The following VWDE variants were observed in gnomAD, a reference collection of about 807,000 sequenced individuals.
The protein encoded by VWDE is von Willebrand factor D and EGF domains, also known as von Willebrand factor D and EGF domain-containing protein.
A neutral mutation model predicts 178.4 loss-of-function variants in VWDE; 207 were observed. That is an observed-to-expected ratio of 1.16 (90% confidence interval 1.04 to 1.30). The LOEUF (loss-of-function observed/expected upper bound fraction) is 1.30. Ranked by LOEUF, VWDE falls within the 50% of genes most tolerant of loss-of-function variation. The pLI, the probability that VWDE is intolerant of heterozygous loss-of-function variation, is 0.00. For missense variants in VWDE, 2,287 were observed against 1,901.3 expected (o/e 1.20, Z -3.77); for synonymous variants, 738 against 651.4 (o/e 1.13, Z -2.02).
intron 1 of VWDE, among the ~76,000 whole-genome samples, chr7:12,395,895 C>T (rs1411774381): frequency 6.6e-6 from 1 of 152,090 alleles, no homozygotes; most frequent in Non-Finnish European, 1.5e-5. Flanking sequence ...AAAAGAATAG[C>T]TCTACAAGCC....
intron 28 of VWDE, among the ~76,000 whole-genome samples, chr7:12,332,540 C>A (rs899923399): frequency 6.6e-6 from 1 of 152,150 alleles, no homozygotes. Flanking sequence ...CCATAAAAAT[C>A]TCACATCAAA....
At position 12,380,657 on chromosome 7, in the gene VWDE, A is replaced by T; in HGVS notation, c.618T>A (p.Leu206=). 1 of 1,552,148 alleles carries T rather than the reference A, an allele frequency of 6.4e-7. No individual in the cohort carries two copies. Among genetic ancestry groups the T allele is most frequent in the Non-Finnish European group, 8.7e-7 (1 of 1,147,106 alleles). The change falls in exon 5 of 29, where the codon CTT becomes CTA. Residue 206 remains leucine (L), a synonymous_variant. Transcript: ENST00000275358. ...EVLVELIESR[L]FCRCSFDVPA... is the part of the protein sequence containing the mutation. Reference sequence around the variant, plus strand: ...GAACATCAAAAGAACACCTACAGAAAAGCCTGGACTCAATCAACTCCACCA... The same window carrying T: ...GAACATCAAAAGAACACCTACAGAATAGCCTGGACTCAATCAACTCCACCA...
chr7:12,353,382 T>C (rs1202158788), intron 18 of VWDE, among the ~76,000 whole-genome samples: 2 of 150,122 alleles, frequency 1.3e-5, no homozygotes, highest in Non-Finnish European at 3.0e-5. Context: ...TCTCCAAATA[T>C]AGCCACACTG....
Position 12,359,986 on chromosome 7 carries a change from T to G in VWDE, c.3160-294A>C, listed in dbSNP as rs190479334. Among the ~76,000 whole-genome samples the G allele has an allele frequency of 1.5e-3, 236 of 152,290 alleles. 1 individual carries two copies. The highest frequency in any genetic ancestry group is 6.8e-3 in the Middle Eastern group (2 of 294). On this transcript the variant is annotated intron_variant, in intron 15 of 28. Coordinates refer to ENST00000275358, the MANE Select transcript of VWDE (RefSeq NM_001135924.3). ...AAATCTCTCTTTTGGTATTTTTCAC[T>G]GCTAAACTCATCCTAGGAGTGCTTT...
chr7:12,333,428 T>C (rs1240566987), intron 28 of VWDE, 37 bp downstream of exon 28: 1 of 1,252,896 alleles, frequency 8.0e-7, no homozygotes, highest in Non-Finnish European at 1.1e-6. Flanking sequence ...CAAATGTCAA[T>C]GTCTAATATT....
At position 12,370,820 on chromosome 7, in the gene VWDE, T is replaced by TTCACCAAGATCAGCACGGATAAATG; in HGVS notation, c.1607_1631dup (p.Glu544AspfsTer6). 1.3e-6 allele frequency: 2 copies of TTCACCAAGATCAGCACGGATAAATG among 1,550,714 alleles called. No individual in the cohort carries two copies. Among genetic ancestry groups the TTCACCAAGATCAGCACGGATAAATG allele is most frequent in the Non-Finnish European group, 1.7e-6 (2 of 1,146,514 alleles). On this transcript the variant is annotated stop_gained and frameshift_variant, in exon 11 of 29. Coordinates refer to ENST00000275358, the MANE Select transcript of VWDE (RefSeq NM_001135924.3). LOFTEE classifies it high-confidence loss of function. Reference sequence around the variant, plus strand: ...CTCTGATCGTTAGACTCATGCCCCATTCACCAAGATCAGCACGGATAAATG... The same window carrying TTCACCAAGATCAGCACGGATAAATG: ...CTCTGATCGTTAGACTCATGCCCCATTCACCAAGATCAGCACGGATAAATGTCACCAAGATCAGCACGGATAAATG...
intron 26 of VWDE, 65 bp from the exon 27 acceptor site, chr7:12,336,301 C>A (rs1019456391): frequency 7.6e-7 from 1 of 1,324,378 alleles, no homozygotes; most frequent in South Asian, 1.4e-5. Context: ...CCATAACCCA[C>A]AAAACTTTTC....
chr7:12,332,784 A>G (rs2356169), intron 28 of VWDE, among the ~76,000 whole-genome samples: 101,775 of 151,986 alleles, frequency 0.67, 35,564 homozygotes, highest in African/African-American at 0.89. Context: ...CTCCAAGCCA[A>G]ATTGATCCAT....
At chr7:12,362,721 C>A (rs1372003689) in intron 13 of VWDE, among the ~76,000 whole-genome samples, 1 of 152,070 alleles carries the variant, frequency 6.6e-6, no homozygotes, top group Non-Finnish European at 1.5e-5. Flanking sequence ...CCCTAATCTG[C>A]AGCTAACAGA....
intron 1 of VWDE, among the ~76,000 whole-genome samples, chr7:12,400,160 C>G (rs1027516150): frequency 6.6e-6 from 1 of 151,786 alleles, no homozygotes; most frequent in Non-Finnish European, 1.5e-5. Context: ...CCTTAAGACA[C>G]TGTAAAAATA....
chr7:12,379,857 G>A (rs1440036180), intron 5 of VWDE, among the ~76,000 whole-genome samples: 3 of 152,120 alleles, frequency 2.0e-5, no homozygotes, highest in Non-Finnish European at 4.4e-5. Context: ...CACTTTGGGA[G>A]GCCGAGGCGG....
chr7:12,334,944 T>C (rs2128544038), intron 27 of VWDE, among the ~76,000 whole-genome samples: 1 of 152,286 alleles, frequency 6.6e-6, no homozygotes, highest in Non-Finnish European at 1.5e-5. Flanking sequence ...CTTATGTAAA[T>C]ACCAGCACTT....
rs781079948 is a variant in VWDE, at chr7:12,344,181, A to G, written c.4078+14T>C. 97 of 1,548,742 alleles carry G rather than the reference A, an allele frequency of 6.3e-5. No homozygotes were observed. In the Middle Eastern group the frequency reaches 1.8e-3, roughly 29 times the overall value. ...TTTTAGGCCTTATATTTGATTTTTA[A>G]TTTGAATTATCACCTTCATCACAGG... On this transcript the variant is annotated intron_variant, in intron 21 of 28. Transcript: ENST00000275358.
intron 4 of VWDE, among the ~76,000 whole-genome samples, chr7:12,381,872 A>G (rs1161853642): frequency 6.6e-6 from 1 of 151,936 alleles, no homozygotes; most frequent in Non-Finnish European, 1.5e-5. Flanking sequence ...ATGACTGAAA[A>G]AAATAATTCA....
At chr7:12,400,218 T>C (rs905621927) in intron 1 of VWDE, among the ~76,000 whole-genome samples, 51 of 152,062 alleles carry the variant, frequency 3.4e-4, no homozygotes, top group Middle Eastern at 3.4e-3. Context: ...ATTTTAAAGA[T>C]TGGATATAAA....
chr7:12,345,740 CA>C (rs1486921813), intron 19 of VWDE, among the ~76,000 whole-genome samples: 2 of 152,064 alleles, frequency 1.3e-5, no homozygotes, highest in Non-Finnish European at 2.9e-5. Context: ...CCAACTCACC[CA>C]GACTGAGATT....
intron 28 of VWDE, among the ~76,000 whole-genome samples, chr7:12,332,127 C>T (rs1780757152): frequency 6.6e-6 from 1 of 151,488 alleles, no homozygotes; most frequent in African/African-American, 2.4e-5. Context: ...TTTTTCCCCA[C>T]TAAAGAGAAA....
intron 3 of VWDE, among the ~76,000 whole-genome samples, chr7:12,386,580 A>G (rs932794977): frequency 1.3e-5 from 2 of 151,792 alleles, no homozygotes; most frequent in East Asian, 1.9e-4. Flanking sequence ...AGTACAACAT[A>G]CTCTTATTGC....
chr7:12,382,175 A>G (rs1429259047), intron 4 of VWDE, among the ~76,000 whole-genome samples: 2 of 151,944 alleles, frequency 1.3e-5, no homozygotes, highest in African/African-American at 4.8e-5. Flanking sequence ...TGCAATTTGC[A>G]TAGCAGAGTT....
Sources: allele counts gnomAD v4.1 joint callset (sites outside exome capture counted in the v4.1 genomes callset), GRCh38; gene constraint gnomAD v4.1.1; transcripts MANE v1.5; gene names NCBI Gene and HGNC (gene_info 2026-07-23, HGNC 2026-07-21).